DIS3L2: variants seen among roughly 807,000 people sequenced by gnomAD.
DIS3L2 encodes DIS3-like exonuclease 2.
DIS3L2 carries 34 observed loss-of-function variants against 97.5 expected under a neutral mutation model. That is an observed-to-expected ratio of 0.35 (90% CI 0.27 to 0.46). The LOEUF (loss-of-function observed/expected upper bound fraction) is 0.46. Ranked by LOEUF, DIS3L2 falls within the 20% of genes least tolerant of loss-of-function variation. The pLI is 1.00. For synonymous variants in DIS3L2, 435 were observed against 445.2 expected (o/e 0.98, Z 0.29); for missense variants, 1,038 against 1,146.0 (o/e 0.91, Z 1.36).
In DIS3L2 at chr2:232,293,174, G is replaced by A. The variant is rs1254470490; in HGVS notation, c.1660-6866G>A. Among the ~76,000 whole-genome samples the A allele has an allele frequency of 6.6e-6, 1 of 152,118 alleles. No individual in the cohort carries two copies. The highest frequency in any genetic ancestry group is 2.4e-5 in the African/African-American group (1 of 41,410). ...TGAGCATTGTTGAGGGAAGGAGCTT[G>A]TGCCTCTTGAGGGTGCTGACAAGAT... is the stretch of plus-strand genomic sequence containing the variant. On this transcript the variant is annotated intron_variant, in intron 13 of 20. Transcript: ENST00000325385. The surrounding 1 kb of genome is among the most constrained non-coding windows in gnomAD (Gnocchi z 4.6).
chr2:232,013,846 CT>C (rs2106219495), intron 1 of DIS3L2, among the ~76,000 whole-genome samples: 1 of 152,284 alleles, frequency 6.6e-6, no homozygotes, highest in South Asian at 2.1e-4. Context: ...ATCTCTTTAT[CT>C]TTCCCTAAGT....
At chr2:232,337,288 C>T (rs1171654963), downstream of DIS3L2, 11 of 780,158 alleles carry the variant, frequency 1.4e-5, no homozygotes, top group East Asian at 1.3e-4. Context: ...GCACCAGCTC[C>T]GCAGGGCCTG....
chr2:232,243,020 A>C (rs747439069), intron 11 of DIS3L2, among the ~76,000 whole-genome samples: 2 of 152,210 alleles, frequency 1.3e-5, no homozygotes, highest in Non-Finnish European at 2.9e-5. Context: ...GGTAGCAAAC[A>C]CTTGCAATGC....
chr2:231,989,709 G>A (rs958295542), intron 1 of DIS3L2, among the ~76,000 whole-genome samples: 1 of 151,994 alleles, frequency 6.6e-6, no homozygotes, highest in African/African-American at 2.4e-5. Flanking sequence ...GGTGGTATAC[G>A]CCTATAGTCC....
intron 5 of DIS3L2, among the ~76,000 whole-genome samples, chr2:232,075,820 A>G (rs936082428): frequency 6.6e-6 from 1 of 152,140 alleles, no homozygotes; most frequent in Non-Finnish European, 1.5e-5. Context: ...TACTGTTATT[A>G]TTAAATCCTT....
At chr2:232,010,088 A>G (rs965969513) in intron 1 of DIS3L2, among the ~76,000 whole-genome samples, 1 of 152,080 alleles carries the variant, frequency 6.6e-6, no homozygotes, top group African/African-American at 2.4e-5. Context: ...CACACTCTTC[A>G]CTGTTCTTAC....
At chr2:232,210,852 A>G (rs1364626118) in intron 10 of DIS3L2, among the ~76,000 whole-genome samples, 1 of 126,584 alleles carries the variant, frequency 7.9e-6, no homozygotes, top group African/African-American at 3.0e-5. Flanking sequence ...TAGCAGGAAC[A>G]CCTTCCCTGA....
intron 13 of DIS3L2, among the ~76,000 whole-genome samples, chr2:232,289,749 G>T (rs1465219391): frequency 6.6e-6 from 1 of 152,188 alleles, no homozygotes; most frequent in Non-Finnish European, 1.5e-5. Context: ...TCTCTGAGTG[G>T]GTGGAGAGCC....
chr2:232,210,512 G>T, intron 10 of DIS3L2, 107 bp downstream of exon 10: 1 of 1,033,708 alleles, frequency 9.7e-7, no homozygotes, highest in South Asian at 1.3e-5. Context: ...GCAAGGCTAG[G>T]TTTGCTTCGT....
chr2:232,260,221 T>A (rs901212541), intron 12 of DIS3L2: 2 of 152,126 alleles, frequency 1.3e-5, no homozygotes, highest in Non-Finnish European at 2.9e-5. Context: ...AGTGACTGGG[T>A]TTGGAATGAA....
At chr2:232,306,245 G>A (rs1054222910) in intron 14 of DIS3L2, among the ~76,000 whole-genome samples, 6 of 152,202 alleles carry the variant, frequency 3.9e-5, no homozygotes, top group Non-Finnish European at 8.8e-5. Context: ...TGCTCTGTGA[G>A]AAAGGTCTTC....
chr2:232,183,928 G>A (rs1574931723), intron 9 of DIS3L2, among the ~76,000 whole-genome samples: 1 of 152,176 alleles, frequency 6.6e-6, no homozygotes, highest in Admixed American at 6.5e-5. Flanking sequence ...TCCAGTGACT[G>A]CTAGGCCACT....
rs182335400 is a variant in DIS3L2, at chr2:232,119,733, G to C, written c.602-10886G>C. On this transcript the variant is annotated intron_variant, in intron 6 of 20. Coordinates refer to ENST00000325385, the MANE Select transcript of DIS3L2 (RefSeq NM_152383.5). ...ATCAGTGCAAAGCCCCATTTGAGAA[G>C]ACCCTGTGAGGGACTCCAGTTTGGG... Among the ~76,000 whole-genome samples the C allele has an allele frequency of 3.5e-3, 536 of 152,288 alleles. 1 individual carries two copies. The highest frequency in any genetic ancestry group is 6.2e-3 in the Non-Finnish European group (422 of 68,020).
chr2:231,999,590 T>G (rs1269231072), intron 1 of DIS3L2, among the ~76,000 whole-genome samples: 1 of 152,220 alleles, frequency 6.6e-6, no homozygotes, highest in Non-Finnish European at 1.5e-5. Flanking sequence ...AAGTATTTAC[T>G]TATTTGTTCC....
At chr2:232,113,281 CT>C (rs1414010551) in intron 6 of DIS3L2, among the ~76,000 whole-genome samples, 1 of 152,184 alleles carries the variant, frequency 6.6e-6, no homozygotes, top group Non-Finnish European at 1.5e-5. Flanking sequence ...GGCTATAAGT[CT>C]CCAAATCAAA....
intron 13 of DIS3L2, among the ~76,000 whole-genome samples, chr2:232,280,892 G>A (rs1286567789): frequency 6.6e-6 from 1 of 152,234 alleles, no homozygotes; most frequent in Admixed American, 6.5e-5. Context: ...GCTGGCAGAA[G>A]ATTCCAGTTC....
intron 13 of DIS3L2, among the ~76,000 whole-genome samples, chr2:232,342,238 TACAC>T (rs200500287): frequency 7.6e-5 from 11 of 144,700 alleles, no homozygotes; most frequent in Admixed American, 1.4e-4. Context: ...TATATACACA[TACAC>T]ATATATACAC....
chr2:232,039,899 C>T (rs923728555), intron 5 of DIS3L2, among the ~76,000 whole-genome samples: 2 of 152,180 alleles, frequency 1.3e-5, no homozygotes, highest in South Asian at 4.1e-4. Flanking sequence ...ACAGTTCTGC[C>T]TGGAGCAGTT....
intron 8 of DIS3L2, among the ~76,000 whole-genome samples, chr2:232,156,271 T>C (rs1035921560): frequency 6.6e-6 from 1 of 152,222 alleles, no homozygotes; most frequent in Non-Finnish European, 1.5e-5. Context: ...CGTTCTTTTC[T>C]ACTTATTTCC....
Sources: gnomAD v4.1 joint callset for allele counts (sites outside exome capture counted in the v4.1 genomes callset) on GRCh38, gnomAD v4.1.1 for gene constraint, Gnocchi (gnomAD v3.1) non-coding constraint, MANE v1.5 for transcripts, NCBI Gene and HGNC (gene_info 2026-07-23, HGNC 2026-07-21) for gene names.